Variants in GRM5 observed in about 807,000 individuals in gnomAD.
GRM5 encodes the protein glutamate metabotropic receptor 5.
In GRM5, 19 loss-of-function variants were observed where a neutral mutation model predicts 83.1. The observed-to-expected ratio is 0.23, with a 90% CI of 0.16 to 0.34. The LOEUF is 0.34. GRM5 is among the 10% of genes least tolerant of loss of function. The pLI is 1.00. For missense variants in GRM5, 1,160 were observed against 1,588.3 expected, an observed-to-expected ratio of 0.73 and a Z score of 4.58; for synonymous variants, 675 against 633.6, an observed-to-expected ratio of 1.07 and a Z score of -0.98.
chr11:88,749,475 C>G (rs1346791821), intron 3 of GRM5, among the ~76,000 whole-genome samples: 1 of 152,022 alleles, frequency 6.6e-6, no homozygotes, highest in East Asian at 1.9e-4. Context: ...GATTGGGGTA[C>G]CAAAAAGAGG....
chr11:88,758,181 C>G (rs1942437239), intron 3 of GRM5, among the ~76,000 whole-genome samples: 2 of 152,198 alleles, frequency 1.3e-5, no homozygotes, highest in African/African-American at 4.8e-5. Flanking sequence ...AGAGTGCCTT[C>G]TTTCCTGCAA....
chr11:88,865,947 A>G (rs545174837), intron 2 of GRM5, among the ~76,000 whole-genome samples: 4 of 152,252 alleles, frequency 2.6e-5, no homozygotes, highest in Non-Finnish European at 4.4e-5. Flanking sequence ...GAACACTTTT[A>G]CACTGTTGGT....
intron 2 of GRM5, among the ~76,000 whole-genome samples, chr11:88,889,847 A>C (rs2135583419): frequency 6.6e-6 from 1 of 152,226 alleles, no homozygotes; most frequent in East Asian, 1.9e-4. Flanking sequence ...GTGGGGAAAA[A>C]AGCAAACAAA....
chr11:88,987,068 G>A (rs539847330), intron 2 of GRM5, among the ~76,000 whole-genome samples: 3 of 152,092 alleles, frequency 2.0e-5, no homozygotes, highest in Admixed American at 6.5e-5. Context: ...GGCAGAAGAC[G>A]GGTGATTTCT....
chr11:88,962,099 G>C (rs1390968463), intron 2 of GRM5, among the ~76,000 whole-genome samples: 1 of 152,236 alleles, frequency 6.6e-6, no homozygotes, highest in Non-Finnish European at 1.5e-5. Context: ...AAATCAGAAA[G>C]TCAGTGGCAG....
intron 2 of GRM5, among the ~76,000 whole-genome samples, chr11:88,975,759 T>G (rs1279500534): frequency 6.6e-6 from 1 of 152,238 alleles, no homozygotes; most frequent in Non-Finnish European, 1.5e-5. Flanking sequence ...GTTTCATTTC[T>G]GTTAAAATGA....
intron 2 of GRM5, among the ~76,000 whole-genome samples, chr11:89,004,190 T>C (rs1940463789): frequency 6.6e-6 from 1 of 152,168 alleles, no homozygotes; most frequent in Non-Finnish European, 1.5e-5. Flanking sequence ...TTAACAACTT[T>C]CTCTTAAATG....
intron 2 of GRM5, among the ~76,000 whole-genome samples, chr11:89,022,120 T>G (rs1940999758): frequency 6.6e-6 from 1 of 152,180 alleles, no homozygotes; most frequent in Admixed American, 6.5e-5. Context: ...TCCATTTACA[T>G]TTTAACTAAA....
intron 3 of GRM5, among the ~76,000 whole-genome samples, chr11:88,790,738 G>C (rs975852451): frequency 6.6e-6 from 1 of 152,126 alleles, no homozygotes; most frequent in Non-Finnish European, 1.5e-5. Flanking sequence ...GTAATGGTTT[G>C]AAAGTAGGAA....
chr11:88,959,225 A>G (rs1330839921), intron 2 of GRM5, among the ~76,000 whole-genome samples: 1 of 152,134 alleles, frequency 6.6e-6, no homozygotes, highest in African/African-American at 2.4e-5. Flanking sequence ...TTTAAATTTT[A>G]GTAACTGAAA....
chr11:88,652,553 G>C (rs1374651235), intron 4 of GRM5, among the ~76,000 whole-genome samples: 1 of 152,048 alleles, frequency 6.6e-6, no homozygotes, highest in East Asian at 1.9e-4. Context: ...GCAGGAACTA[G>C]CTTTCTCCAT....
intron 2 of GRM5, among the ~76,000 whole-genome samples, chr11:89,039,044 T>A (rs1941462800): frequency 6.6e-6 from 1 of 152,020 alleles, no homozygotes; most frequent in African/African-American, 2.4e-5. Context: ...GGCAGGCAGA[T>A]CATGAGGTCA....
chr11:88,695,641 C>A (rs1394053380), intron 3 of GRM5, among the ~76,000 whole-genome samples: 1 of 152,164 alleles, frequency 6.6e-6, no homozygotes, highest in Non-Finnish European at 1.5e-5. Context: ...CTTTTCTATA[C>A]CTTCCAAATA....
chr11:89,034,845 CTTT>C (rs557239573), intron 2 of GRM5, among the ~76,000 whole-genome samples: 4 of 133,502 alleles, frequency 3.0e-5, no homozygotes, highest in Admixed American at 7.5e-5. Flanking sequence ...CCCTCAAATC[CTTT>C]TTTTTTTTTT....
At chr11:88,819,618 CTT>C (rs1362204374) in intron 3 of GRM5, among the ~76,000 whole-genome samples, 4 of 152,256 alleles carry the variant, frequency 2.6e-5, no homozygotes, top group African/African-American at 9.6e-5. Flanking sequence ...AATAAGTTTA[CTT>C]TTTCTTAAAT....
chr11:88,689,168 AAC>A (rs1554994411), intron 3 of GRM5, among the ~76,000 whole-genome samples: 2 of 152,156 alleles, frequency 1.3e-5, no homozygotes, highest in Non-Finnish European at 2.9e-5. Context: ...GTAAAAACAA[AAC>A]ATGCCTCCTT....
At chr11:88,544,080 C>CAT (rs1205234301) in intron 8 of GRM5, among the ~76,000 whole-genome samples, 152 of 152,062 alleles carry the variant, frequency 1.0e-3, no homozygotes, top group Admixed American at 1.5e-3. Flanking sequence ...CTCTCTCACA[C>CAT]ACACACATAC....
chr11:88,837,907 A>G (rs1206556940), intron 3 of GRM5, among the ~76,000 whole-genome samples: 3 of 151,600 alleles, frequency 2.0e-5, no homozygotes, highest in Admixed American at 1.3e-4. Context: ...ACACGGTGAA[A>G]CCCCGTTTCT....
chr11:88,672,896 G>C, intron 3 of GRM5, among the ~76,000 whole-genome samples: 1 of 151,866 alleles, frequency 6.6e-6, no homozygotes, highest in East Asian at 1.9e-4. Context: ...ATATGCTGAG[G>C]GTACAGTGGT....
Sources: gnomAD v4.1 joint callset for allele counts (sites outside exome capture counted in the v4.1 genomes callset) on GRCh38, gnomAD v4.1.1 for gene constraint, MANE v1.5 for transcripts, NCBI Gene and HGNC (gene_info 2026-07-23, HGNC 2026-07-21) for gene names.